The following SMYD3 variants were observed in gnomAD, a reference collection of about 807,000 sequenced individuals.
The protein encoded by SMYD3 is histone-lysine N-methyltransferase SMYD3.
In SMYD3, 36 loss-of-function variants were observed where a neutral mutation model predicts 57.7. The ratio of observed to expected loss-of-function variants is 0.62; its 90% CI spans 0.48 to 0.82. The LOEUF is 0.82. Ranked by LOEUF, SMYD3 falls within the 40% of genes least tolerant of loss-of-function variation. SMYD3 has a pLI of 0.00. For missense variants in SMYD3, 515 were observed against 538.8 expected, an observed-to-expected ratio of 0.96 and a Z score of 0.44; for synonymous variants, 211 against 195.0, an observed-to-expected ratio of 1.08 and a Z score of -0.68.
At chr1:246,034,815 C>T (rs77919837) in intron 5 of SMYD3, among the ~76,000 whole-genome samples, 4,751 of 152,128 alleles carry the variant, frequency 0.031, 267 homozygotes, top group African/African-American at 0.11. Flanking sequence ...AGTACTTTGC[C>T]GACGCTGCAA....
intron 5 of SMYD3, among the ~76,000 whole-genome samples, chr1:246,173,176 G>A (rs549893889): frequency 2.9e-4 from 38 of 132,550 alleles, no homozygotes; most frequent in African/African-American, 1.1e-3. Flanking sequence ...CACACTGTAC[G>A]CTTAGGCTAC....
chr1:246,098,947 A>G (rs535415319), intron 5 of SMYD3, among the ~76,000 whole-genome samples: 2 of 152,308 alleles, frequency 1.3e-5, no homozygotes, highest in South Asian at 4.2e-4. Flanking sequence ...TATCTCTGGG[A>G]ATAGTAGAAT....
At chr1:245,898,720 A>G (rs554169859) in intron 8 of SMYD3, among the ~76,000 whole-genome samples, 20 of 152,366 alleles carry the variant, frequency 1.3e-4, no homozygotes, top group African/African-American at 4.8e-4. Flanking sequence ...AATTAACTCT[A>G]ACAGGACTTA....
intron 10 of SMYD3, among the ~76,000 whole-genome samples, chr1:245,781,649 A>T (rs1273717265): frequency 6.6e-6 from 1 of 152,212 alleles, no homozygotes; most frequent in Non-Finnish European, 1.5e-5. Flanking sequence ...CATGTGTCTT[A>T]TAATGGTCTC....
chr1:245,982,220 C>T (rs1217264495), intron 5 of SMYD3, among the ~76,000 whole-genome samples: 1 of 152,178 alleles, frequency 6.6e-6, no homozygotes, highest in African/African-American at 2.4e-5. Flanking sequence ...TTGCAGCCTC[C>T]ACCTTCTGGG....
At chr1:246,035,786 TA>T (rs771461397) in intron 5 of SMYD3, among the ~76,000 whole-genome samples, 41 of 152,142 alleles carry the variant, frequency 2.7e-4, no homozygotes, top group Non-Finnish European at 2.5e-4. Context: ...AAAAAAATAA[TA>T]AAAGAGAGAG....
chr1:245,820,857 C>T (rs1358540996), intron 10 of SMYD3, among the ~76,000 whole-genome samples: 1 of 151,206 alleles, frequency 6.6e-6, no homozygotes, highest in Non-Finnish European at 1.5e-5. Flanking sequence ...AGGATCTCTT[C>T]AAGGAGAACT....
At chr1:246,374,123 G>A (rs555309322) in intron 1 of SMYD3, among the ~76,000 whole-genome samples, 129 of 152,230 alleles carry the variant, frequency 8.5e-4, no homozygotes, top group African/African-American at 2.9e-3. Flanking sequence ...GATTGCCAGA[G>A]CCGGGGAATA....
At chr1:245,902,120 C>A (rs1338322413) in intron 8 of SMYD3, among the ~76,000 whole-genome samples, 1 of 152,144 alleles carries the variant, frequency 6.6e-6, no homozygotes, top group East Asian at 1.9e-4. Context: ...CTGATATTCC[C>A]CCATATCCAC....
chr1:246,079,829 C>G (rs944406108), intron 5 of SMYD3, among the ~76,000 whole-genome samples: 5 of 152,186 alleles, frequency 3.3e-5, no homozygotes, highest in Admixed American at 6.5e-5. Flanking sequence ...ACATTTCACA[C>G]AGAAATCATA....
At chr1:246,466,055 A>G (rs1190245276) in intron 1 of SMYD3, among the ~76,000 whole-genome samples, 1 of 152,116 alleles carries the variant, frequency 6.6e-6, no homozygotes, top group Non-Finnish European at 1.5e-5. Context: ...TAGAGGCGTG[A>G]GCCACTGCTC....
At chr1:246,453,238 T>C (rs1007990674) in intron 1 of SMYD3, among the ~76,000 whole-genome samples, 1 of 152,174 alleles carries the variant, frequency 6.6e-6, no homozygotes. Flanking sequence ...CAAGCAGTCA[T>C]AGTTCCAGAG....
At chr1:245,842,556 C>G (rs2050457109) in intron 10 of SMYD3, among the ~76,000 whole-genome samples, 1 of 152,126 alleles carries the variant, frequency 6.6e-6, no homozygotes, top group Non-Finnish European at 1.5e-5. Flanking sequence ...AGCAAGCCGA[C>G]TTTGATAATA....
At chr1:246,003,948 T>C (rs1425186940) in intron 5 of SMYD3, among the ~76,000 whole-genome samples, 1 of 152,196 alleles carries the variant, frequency 6.6e-6, no homozygotes, top group South Asian at 2.1e-4. Context: ...TCCTCTGTTA[T>C]ATAAGCTCAG....
Position 246,298,975 on chromosome 1 carries a change from C to T in SMYD3, c.531+28226G>A, listed in dbSNP as rs79445052. Among the ~76,000 whole-genome samples the T allele has an allele frequency of 6.6e-5, 10 of 152,208 alleles. No individual in the cohort carries two copies. The East Asian group carries it at 1.7e-3, about 26-fold the overall frequency. ...GTAACAGTATCCCGTACTAGCAAGG[C>T]TGTGAGTAAGCAAGCAGTGTTCTTG... is the stretch of plus-strand genomic sequence containing the variant. On this transcript the variant is annotated intron_variant, in intron 5 of 11. Coordinates refer to ENST00000490107, the MANE Select transcript of SMYD3 (RefSeq NM_001167740.2).
intron 8 of SMYD3, among the ~76,000 whole-genome samples, chr1:245,896,027 A>C (rs936274875): frequency 2.6e-5 from 4 of 152,234 alleles, no homozygotes; most frequent in African/African-American, 9.6e-5. Flanking sequence ...GCTTCTCCCC[A>C]CTACAGAACC....
chr1:246,073,873 C>T lies in SMYD3; in HGVS notation c.532-143936G>A, dbSNP rs115940661. Reference sequence around the variant, plus strand: ...ACAACGCCAGATACTACAGAAGTTCCGTATGACTCCATTCTGGCGCAACCA... The same window carrying T: ...ACAACGCCAGATACTACAGAAGTTCTGTATGACTCCATTCTGGCGCAACCA... On this transcript the variant is annotated intron_variant, in intron 5 of 11. Coordinates refer to ENST00000490107, the MANE Select transcript of SMYD3 (RefSeq NM_001167740.2). Among the ~76,000 whole-genome samples the T allele has an allele frequency of 4.0e-3, 606 of 152,190 alleles. 4 individuals are homozygous for T. Among genetic ancestry groups the T allele is most frequent in the African/African-American group, 0.014 (571 of 41,504 alleles).
chr1:246,123,619 CAA>C (rs1290309537), intron 5 of SMYD3, among the ~76,000 whole-genome samples: 1 of 148,032 alleles, frequency 6.8e-6, no homozygotes, highest in Non-Finnish European at 1.5e-5. Flanking sequence ...CACACACACA[CAA>C]ATCATTCTGC....
At chr1:245,832,557 C>G (rs959548612) in intron 10 of SMYD3, among the ~76,000 whole-genome samples, 1 of 151,390 alleles carries the variant, frequency 6.6e-6, no homozygotes, top group African/African-American at 2.4e-5. Context: ...TTTTAACACA[C>G]AGTAAGAGCC....
Sources: allele counts gnomAD v4.1 joint callset (sites outside exome capture counted in the v4.1 genomes callset), GRCh38; gene constraint gnomAD v4.1.1; transcripts MANE v1.5; gene names NCBI Gene and HGNC (gene_info 2026-07-23, HGNC 2026-07-21).